The following WDR45B variants were observed in gnomAD, a reference collection of about 807,000 sequenced individuals.
WDR45B encodes WD repeat domain 45B, also known as WD repeat domain phosphoinositide-interacting protein 3.
Under a neutral mutation model 44.6 loss-of-function variants are expected in WDR45B, and 20 were observed. The ratio of observed to expected loss-of-function variants is 0.45; its 90% CI spans 0.32 to 0.65. The LOEUF is 0.65. Among genes scored for constraint, WDR45B ranks in the 30% least tolerant of loss-of-function variants. WDR45B has a pLI of 0.05. For synonymous variants in WDR45B, 169 were observed against 164.9 expected (o/e 1.02, Z -0.19); for missense variants, 323 against 430.2 (o/e 0.75, Z 2.20).
chr17:82,636,748 C>A (rs542408237), intron 2 of WDR45B, among the ~76,000 whole-genome samples: 2 of 151,966 alleles, frequency 1.3e-5, no homozygotes, highest in Non-Finnish European at 2.9e-5. Flanking sequence ...CTTCCTTGCC[C>A]CTAGTTACTG....
intron 2 of WDR45B, among the ~76,000 whole-genome samples, chr17:82,631,739 C>G (rs2045771144): frequency 6.6e-6 from 1 of 151,346 alleles, no homozygotes; most frequent in South Asian, 2.1e-4. Flanking sequence ...ACACAACACC[C>G]TAGGAAGCTA....
At chr17:82,637,012 G>A (rs936025670) in intron 2 of WDR45B, among the ~76,000 whole-genome samples, 17 of 151,950 alleles carry the variant, frequency 1.1e-4, no homozygotes, top group African/African-American at 4.1e-4. Flanking sequence ...AAAACCCCCG[G>A]TCTCCTTTGT....
chr17:82,634,150 C>CAAAAAAAAAAAAAAAAAAAAAA (rs36183298), intron 2 of WDR45B, among the ~76,000 whole-genome samples: 8 of 31,908 alleles, frequency 2.5e-4, no homozygotes, highest in African/African-American at 7.5e-4. Flanking sequence ...GACTCCATCT[C>CAAAAAAAAAAAAAAAAAAAAAA]AAAAAAAAAA....
At chr17:82,640,601 G>A in intron 2 of WDR45B, among the ~76,000 whole-genome samples, 1 of 152,044 alleles carries the variant, frequency 6.6e-6, no homozygotes, top group East Asian at 1.9e-4. Context: ...TGCCCACCTT[G>A]GCCTCCCAAA....
chr17:82,633,489 T>C (rs753434275), intron 2 of WDR45B, among the ~76,000 whole-genome samples: 19 of 152,162 alleles, frequency 1.2e-4, no homozygotes, highest in Admixed American at 2.6e-4. Flanking sequence ...CAAACCACAA[T>C]GAGATCCCAC....
intron 1 of WDR45B, among the ~76,000 whole-genome samples, chr17:82,647,983 C>T (rs1320594871): frequency 1.4e-5 from 2 of 145,686 alleles, no homozygotes; most frequent in Non-Finnish European, 3.0e-5. Flanking sequence ...CTCCCACCGA[C>T]CTCGACCTCG....
intron 5 of WDR45B, among the ~76,000 whole-genome samples, chr17:82,624,855 T>C (rs1488591633): frequency 6.6e-6 from 1 of 151,406 alleles, no homozygotes; most frequent in Non-Finnish European, 1.5e-5. Flanking sequence ...CCTGACCTTG[T>C]GATCCGCCCG....
intron 2 of WDR45B, among the ~76,000 whole-genome samples, chr17:82,642,607 G>A (rs2045931781): frequency 6.6e-6 from 1 of 152,228 alleles, no homozygotes; most frequent in African/African-American, 2.4e-5. Flanking sequence ...CATGCATGGT[G>A]GGGACTGGGG....
At chr17:82,623,400 A>AC (rs1375640759) in intron 5 of WDR45B, among the ~76,000 whole-genome samples, 9 of 149,044 alleles carry the variant, frequency 6.0e-5, no homozygotes, top group African/African-American at 1.2e-4. Context: ...AAAAAAAAAA[A>AC]AAACAAACAA....
intron 2 of WDR45B, among the ~76,000 whole-genome samples, chr17:82,637,059 C>T (rs760502757): frequency 2.6e-5 from 4 of 151,996 alleles, no homozygotes; most frequent in Non-Finnish European, 5.9e-5. Context: ...ATGCAAGGGG[C>T]ACCCTTCTGC....
chr17:82,627,728 T>TG (rs2045717530), intron 3 of WDR45B, among the ~76,000 whole-genome samples: 1 of 152,280 alleles, frequency 6.6e-6, no homozygotes, highest in Admixed American at 6.5e-5. Context: ...GGCGACCCAC[T>TG]GGCCTCGCAC....
rs1280986411 is a variant in WDR45B, at chr17:82,617,416, C to T, written c.705-19G>A. 6.2e-7 allele frequency: 1 copy of T among 1,612,802 alleles called. No homozygotes were observed. On this transcript the variant is annotated intron_variant, in intron 7 of 9. Transcript: ENST00000392325. Reference sequence around the variant, plus strand: ...GTTGATGCTGCAGAGAAAACCAGCACAGCTCAGGCCTTGTGTGGATGTGGA... The same window carrying T: ...GTTGATGCTGCAGAGAAAACCAGCATAGCTCAGGCCTTGTGTGGATGTGGA...
At chr17:82,630,499 A>G (rs1441822969) in intron 3 of WDR45B, among the ~76,000 whole-genome samples, 2 of 151,844 alleles carry the variant, frequency 1.3e-5, no homozygotes, top group Non-Finnish European at 2.9e-5. Context: ...ACACACACGT[A>G]CTCCCACTCC....
intron 3 of WDR45B, chr17:82,630,092 A>G (rs2045748095): frequency 1.6e-6 from 1 of 640,386 alleles, no homozygotes; most frequent in Non-Finnish European, 1.9e-6. Context: ...CACTGGGCTC[A>G]GACGAGGATG....
chr17:82,634,883 G>C (rs996554311), intron 2 of WDR45B, among the ~76,000 whole-genome samples: 1 of 151,888 alleles, frequency 6.6e-6, no homozygotes, highest in Non-Finnish European at 1.5e-5. Context: ...TCTGACCCAG[G>C]CTGCAACAGA....
chr17:82,629,490 C>T (rs1234466721), intron 3 of WDR45B: 3 of 985,250 alleles, frequency 3.0e-6, no homozygotes, highest in Admixed American at 6.1e-5. Context: ...GCTATGCTAG[C>T]AGCCACTCTC....
At position 82,625,388 on chromosome 17, in the gene WDR45B, C is replaced by A; in HGVS notation, c.427+1G>T. ...CGCCACCCGTCTGCTCAATCTCTCA[C>A]CTTTGGGGTTATAGCAGGTTTCGAA... On this transcript the variant is annotated splice_donor_variant, in intron 5 of 9. Transcript: ENST00000392325. LOFTEE classifies it high-confidence loss of function. 6.2e-7 allele frequency: 1 copy of A among 1,614,072 alleles called. No individual in the cohort carries two copies. Among genetic ancestry groups the A allele is most frequent in the Non-Finnish European group, 8.5e-7 (1 of 1,179,956 alleles).
At chr17:82,627,517 T>TC (rs1192078410) in intron 3 of WDR45B, among the ~76,000 whole-genome samples, 1 of 152,208 alleles carries the variant, frequency 6.6e-6, no homozygotes, top group Non-Finnish European at 1.5e-5. Flanking sequence ...TCAAAGCGTC[T>TC]CCCCTTCTTG....
chr17:82,626,152 A>T (rs533656893), intron 4 of WDR45B, among the ~76,000 whole-genome samples: 1 of 150,366 alleles, frequency 6.7e-6, no homozygotes, highest in Non-Finnish European at 1.5e-5. Context: ...AAGTGCTGGG[A>T]TTACAGGCAT....
Sources: allele counts gnomAD v4.1 joint callset (sites outside exome capture counted in the v4.1 genomes callset), GRCh38; gene constraint gnomAD v4.1.1; transcripts MANE v1.5; gene names NCBI Gene and HGNC (gene_info 2026-07-23, HGNC 2026-07-21).